Variants in MYH10 observed in about 807,000 individuals in gnomAD.
The protein encoded by MYH10 is myosin-10.
In MYH10, 55 loss-of-function variants were observed where a neutral mutation model predicts 257.8. The ratio of observed to expected loss-of-function variants is 0.21; its 90% CI spans 0.17 to 0.27. The LOEUF is 0.27. Among genes scored for constraint, MYH10 ranks in the 10% least tolerant of loss-of-function variants. The pLI is 1.00. For missense variants in MYH10, 1,631 were observed against 2,500.6 expected (o/e 0.65, Z 7.42); for synonymous variants, 854 against 921.7 (o/e 0.93, Z 1.33).
Position 8,552,051 on chromosome 17 carries a change from A to C in MYH10, c.914T>G (p.Leu305Arg). The C allele has an allele frequency of 6.6e-7, 1 of 1,506,152 alleles. No individual in the cohort carries two copies. The highest frequency in any genetic ancestry group is 9.0e-7 in the Non-Finnish European group (1 of 1,112,152). The allele number at this position is 1,506,152 out of a possible 1,614,324, so 93.3% of individuals were successfully genotyped here. A position where few individuals can be genotyped will look rare whatever the true frequency, so the allele number is the denominator to read the frequency against. Residue 305 changes from leucine to arginine, a missense_variant, in exon 9 of 43, where the codon CTA (leucine) becomes CGA (arginine). By Grantham distance (102) the Leu-to-Arg change is moderately radical (BLOSUM62 -2). Coordinates refer to ENST00000360416, the MANE Select transcript of MYH10 (RefSeq NM_001256012.3). The surrounding 1 kb of genome is among the most constrained non-coding windows in gnomAD (Gnocchi z 4.8). Reference sequence around the variant, plus strand: ...TAAAAACCTTTGTAACTTACACTTTAGGTGTTCTCCTGCTCCAGATAACAA... The same window carrying C: ...TAAAAACCTTTGTAACTTACACTTTCGGTGTTCTCCTGCTCCAGATAACAA... Reference protein sequence around the residue: ...YQLLSGAGEHLKSDLLLEGFN... With the variant: ...YQLLSGAGEHRKSDLLLEGFN...
chr17:8,525,177 A>C (rs1299900126), intron 17 of MYH10, among the ~76,000 whole-genome samples: 1 of 152,176 alleles, frequency 6.6e-6, no homozygotes, highest in African/African-American at 2.4e-5. Context: ...CAAATGCTTA[A>C]ATACTTTTAA....
chr17:8,518,432 C>T (rs1384822619), intron 21 of MYH10, among the ~76,000 whole-genome samples, 199 bp downstream of exon 21: 3 of 152,134 alleles, frequency 2.0e-5, no homozygotes, highest in African/African-American at 7.2e-5. Context: ...CCACGCCCAG[C>T]CTCCTTGTGT....
At chr17:8,491,742 G>C (rs934698319) in intron 34 of MYH10, among the ~76,000 whole-genome samples, 2 of 152,168 alleles carry the variant, frequency 1.3e-5, no homozygotes, top group East Asian at 3.8e-4. Flanking sequence ...CATACACTAA[G>C]GGAGAGACGT....
chr17:8,503,954 C>G (rs1202076880), intron 28 of MYH10, among the ~76,000 whole-genome samples: 1 of 152,148 alleles, frequency 6.6e-6, no homozygotes, highest in Non-Finnish European at 1.5e-5. Flanking sequence ...GGACAGCAAG[C>G]TGGCACACCC....
At chr17:8,595,074 TACTC>T (rs1039696838) in intron 3 of MYH10, among the ~76,000 whole-genome samples, 1 of 152,196 alleles carries the variant, frequency 6.6e-6, no homozygotes, top group African/African-American at 2.4e-5. Flanking sequence ...AATGGACTAT[TACTC>T]AGCACTAAAA....
chr17:8,511,209 A>T (rs543681189), intron 24 of MYH10: 2 of 151,406 alleles, frequency 1.3e-5, no homozygotes, highest in African/African-American at 4.9e-5. Flanking sequence ...AAACGAAATT[A>T]AAAAAAAAGT....
Position 8,506,525 on chromosome 17 carries a change from C to T in MYH10, c.3215-36G>A, listed in dbSNP as rs187630628. On this transcript the variant is annotated intron_variant, in intron 26 of 42. Transcript: ENST00000360416. The surrounding 1 kb of genome is among the most constrained non-coding windows in gnomAD (Gnocchi z 5.0). Reference sequence around the variant, plus strand: ...AGACATAAGAAGCTCTTCAACACACCGAGTGACTCACCACAGGAATAAACT... The same window carrying T: ...AGACATAAGAAGCTCTTCAACACACTGAGTGACTCACCACAGGAATAAACT... 3.6e-5 allele frequency: 57 copies of T among 1,586,398 alleles called. No homozygotes were observed. The highest frequency in any genetic ancestry group is 2.0e-4 in the East Asian group (9 of 44,462).
intron 17 of MYH10, among the ~76,000 whole-genome samples, chr17:8,523,201 C>T (rs566974093): frequency 8.5e-5 from 13 of 152,328 alleles, no homozygotes; most frequent in African/African-American, 2.9e-4. Flanking sequence ...CTGTGTTCTA[C>T]TCTCCACTCA....
At chr17:8,547,123 C>T (rs2082470511) in intron 11 of MYH10, among the ~76,000 whole-genome samples, 1 of 152,140 alleles carries the variant, frequency 6.6e-6, no homozygotes, top group African/African-American at 2.4e-5. Flanking sequence ...ACGGGCATAG[C>T]ACGACAGCCT....
chr17:8,527,064 T>C (rs540907776), intron 17 of MYH10, among the ~76,000 whole-genome samples: 54 of 152,276 alleles, frequency 3.5e-4, no homozygotes, highest in African/African-American at 1.3e-3. Context: ...TAGATGAAAA[T>C]GTCACTGTTA....
intron 26 of MYH10, 43 bp downstream of exon 26, chr17:8,508,511 T>C (rs746289468): frequency 1.2e-6 from 2 of 1,611,172 alleles, no homozygotes; most frequent in Admixed American, 3.3e-5. Context: ...AGCTAAACAC[T>C]CACATGTCCT....
chr17:8,527,336 G>C (rs1039066564), intron 17 of MYH10, among the ~76,000 whole-genome samples: 2 of 152,196 alleles, frequency 1.3e-5, no homozygotes, highest in East Asian at 3.8e-4. Context: ...CTAGTCTCAA[G>C]CCAAACTTGA....
Position 8,509,900 on chromosome 17 carries a change from T to A in MYH10, c.3002A>T (p.Gln1001Leu). 6.2e-7 allele frequency: 1 copy of A among 1,612,986 alleles called. No individual in the cohort carries two copies. Among genetic ancestry groups the A allele is most frequent in the African/African-American group, 1.3e-5 (1 of 74,956 alleles). The change falls in exon 25 of 43, where the codon CAG (glutamine) becomes CTG (leucine). Residue 1001 changes from glutamine to leucine, a missense_variant. This residue lies in a region of MYH10 where 169 missense variants were observed against 249.8 expected (regional missense o/e 0.68). Coordinates refer to ENST00000360416, the MANE Select transcript of MYH10 (RefSeq NM_001256012.3). ...DEEEGARQKL[Q>L]LEKVTAEAKI... is the part of the protein sequence containing the mutation. ...GGCCTCTGCTGTCACCTTTTCCAGCTGCAGCTTTTGCCGAGCCCCTTCCTC... is the reference window on the plus strand; with the variant it reads ...GGCCTCTGCTGTCACCTTTTCCAGCAGCAGCTTTTGCCGAGCCCCTTCCTC...
intron 2 of MYH10, among the ~76,000 whole-genome samples, chr17:8,609,158 A>C (rs190604937): frequency 6.6e-6 from 1 of 152,244 alleles, no homozygotes; most frequent in African/African-American, 2.4e-5. Context: ...TGTTTAAGAA[A>C]GCAGGGCTAT....
Position 8,492,208 on chromosome 17 carries a change from C to A in MYH10, c.4671+89G>T. ...TGTGCATTCCCAGGTCCTTCAGGCT[C>A]CCCTGAGGAGTCGCCCGCTCCTGTG... On this transcript the variant is annotated intron_variant, in intron 34 of 42. Transcript: ENST00000360416. 6 of 1,308,596 alleles carry A rather than the reference C, an allele frequency of 4.6e-6. No homozygotes were observed. In the South Asian group the frequency reaches 6.6e-5, roughly 14 times the overall value. 81.1% of individuals were successfully genotyped at this position (1,308,596 alleles called of 1,614,324 possible). A position where few individuals can be genotyped will look rare whatever the true frequency, so the allele number is the denominator to read the frequency against.
chr17:8,532,435 A>G (rs983863870), intron 16 of MYH10, among the ~76,000 whole-genome samples: 13 of 152,252 alleles, frequency 8.5e-5, no homozygotes, highest in African/African-American at 1.2e-4. Flanking sequence ...AATGAAATCA[A>G]TAACTTTCCC....
At chr17:8,500,733 A>G (rs540458379) in intron 29 of MYH10, 93 bp downstream of exon 29, 411 of 1,434,176 alleles carry the variant, frequency 2.9e-4, no homozygotes, top group Non-Finnish European at 3.4e-4. Flanking sequence ...GAGCCTAATC[A>G]ATACATGACT....
intron 7 of MYH10, among the ~76,000 whole-genome samples, chr17:8,558,366 G>A (rs1412616796): frequency 6.6e-6 from 1 of 152,144 alleles, no homozygotes; most frequent in Non-Finnish European, 1.5e-5. Context: ...AGAGAAAGGA[G>A]GAGAGAAGGC....
intron 20 of MYH10, 23 bp from the exon 21 acceptor site, chr17:8,518,814 AC>A: frequency 3.1e-6 from 5 of 1,603,104 alleles, no homozygotes; most frequent in Non-Finnish European, 4.2e-6. Context: ...GAGTTTATTT[AC>A]TTTTTTTAAC....
Sources: allele counts gnomAD v4.1 joint callset (sites outside exome capture counted in the v4.1 genomes callset), GRCh38; gene constraint gnomAD v4.1.1; regional missense constraint gnomAD v4.1.1; non-coding constraint Gnocchi (gnomAD v3.1); transcripts MANE v1.5; gene names NCBI Gene and HGNC (gene_info 2026-07-23, HGNC 2026-07-21).